Variants in TTI2 observed in about 807,000 individuals in gnomAD.
TTI2 encodes the protein TELO2-interacting protein 2.
Under a neutral mutation model 44.9 loss-of-function variants are expected in TTI2, and 26 were observed. The observed-to-expected ratio is 0.58, with a 90% CI of 0.42 to 0.80. The LOEUF (loss-of-function observed/expected upper bound fraction) is 0.80, where lower values mean the gene tolerates loss of function less well. TTI2 is among the 30% of genes least tolerant of loss of function. The pLI, the probability that TTI2 is intolerant of heterozygous loss-of-function variation, is 0.00. For synonymous variants in TTI2, 254 were observed against 250.9 expected, an observed-to-expected ratio of 1.01 and a Z score of -0.12; for missense variants, 582 against 611.6, an observed-to-expected ratio of 0.95 and a Z score of 0.51.
At chr8:33,508,447 T>TA (rs572572434) in intron 3 of TTI2, among the ~76,000 whole-genome samples, 2 of 150,784 alleles carry the variant, frequency 1.3e-5, no homozygotes, top group Non-Finnish European at 1.5e-5. Context: ...ACAAAAAATT[T>TA]AAAAAAAAGA....
intron 2 of TTI2, among the ~76,000 whole-genome samples, chr8:33,510,941 T>C (rs2732297): frequency 0.61 from 92,528 of 152,008 alleles, 28,443 homozygotes; most frequent in Non-Finnish European, 0.64. Context: ...TCTTAGCTGA[T>C]AGTCATCCTT....
intron 6 of TTI2, chr8:33,501,155 C>G (rs547884994): frequency 6.6e-6 from 1 of 151,986 alleles, no homozygotes; most frequent in South Asian, 2.1e-4. Context: ...ATTTTTACCA[C>G]AATAAACAAA....
chr8:33,506,201 T>C (rs1002183343), intron 4 of TTI2, among the ~76,000 whole-genome samples: 1 of 152,186 alleles, frequency 6.6e-6, no homozygotes, highest in African/African-American at 2.4e-5. Context: ...AAAGCTTATC[T>C]TAAAGCCAAA....
rs780001217 is a variant in TTI2 at position 33,503,722 on chromosome 8, TAATA to T, written c.1115+22_1115+25del. 3.2e-5 allele frequency: 51 copies of T among 1,611,540 alleles called. No homozygotes were observed. The African/African-American group carries it at 3.9e-4, about 12-fold the overall frequency. On this transcript the variant is annotated intron_variant, in intron 5 of 7. Transcript: ENST00000431156. ...GCAAGATCCTGTCTGTATAAAATAA[TAATA>T]AATAAAAGCCCAGGGCCTCACCTGT...
In TTI2 at chr8:33,512,626, C is replaced by A; in HGVS notation, c.-13G>T. 1.2e-6 allele frequency: 2 copies of A among 1,611,482 alleles called. No individual in the cohort carries two copies. The highest frequency in any genetic ancestry group is 1.7e-6 in the Non-Finnish European group (2 of 1,179,960). The stretch of plus-strand genomic sequence containing the variant: ...TGTCAAGCTCCATTCCTGACTGCAG[C>A]ACCAGAAGGCTGGTCTCTCCCACAG... On this transcript the variant is annotated 5_prime_UTR_variant, in exon 2 of 8. Coordinates refer to ENST00000431156, the MANE Select transcript of TTI2 (RefSeq NM_001102401.4).
In TTI2 at chr8:33,499,212, C is replaced by T. The variant is rs1808968501; in HGVS notation, c.1488G>A (p.Val496=). The T allele has an allele frequency of 6.2e-7, 1 of 1,613,958 alleles. No individual in the cohort carries two copies. The highest frequency in any genetic ancestry group is 1.3e-5 in the African/African-American group (1 of 74,918). Reference sequence around the variant, plus strand: ...AGGGTGCGCCTTCAGAAACCTGCTGCACTTTTCTGATATAGTTCACCACTT... The same window carrying T: ...AGGGTGCGCCTTCAGAAACCTGCTGTACTTTTCTGATATAGTTCACCACTT... ...DRKVVNYIRK[V]QQVSEGAPYN... Residue 496 remains valine (V), a synonymous_variant, in exon 8 of 8, where the codon GTG becomes GTA. Coordinates refer to ENST00000431156, the MANE Select transcript of TTI2 (RefSeq NM_001102401.4).
At chr8:33,508,875 C>G (rs954940127) in intron 3 of TTI2, among the ~76,000 whole-genome samples, 5 of 151,908 alleles carry the variant, frequency 3.3e-5, no homozygotes, top group African/African-American at 1.2e-4. Flanking sequence ...GGCGGGGTGG[C>G]TCATCTCTAT....
At chr8:33,508,854 A>G (rs1809402866) in intron 3 of TTI2, among the ~76,000 whole-genome samples, 1 of 151,858 alleles carries the variant, frequency 6.6e-6, no homozygotes, top group South Asian at 2.1e-4. Context: ...TTGAAACTCA[A>G]CTGTAGGCCG....
chr8:33,506,779 G>A (rs561052967), intron 4 of TTI2, among the ~76,000 whole-genome samples: 56 of 151,020 alleles, frequency 3.7e-4, no homozygotes, highest in South Asian at 1.9e-3. Flanking sequence ...TGCAACCTCC[G>A]CCACCCGGGT....
At chr8:33,499,330 C>T (rs1202423613) in intron 7 of TTI2, 53 bp from the exon 8 acceptor site, 1 of 1,285,600 alleles carries the variant, frequency 7.8e-7, no homozygotes, top group Admixed American at 1.8e-5. Flanking sequence ...TAATTACTTT[C>T]CCCTTTTGCT....
chr8:33,498,933 T>A lies in TTI2; in HGVS notation c.*240A>T. 1 of 580,428 alleles carries A rather than the reference T, an allele frequency of 1.7e-6. No homozygotes were observed. Among genetic ancestry groups the A allele is most frequent in the South Asian group, 2.2e-5 (1 of 46,288 alleles). 36.0% of individuals were successfully genotyped at this position (580,428 alleles called of 1,614,324 possible). Reference sequence around the variant, plus strand: ...GACGGATGTAAATATTTCTAAATTTTAAATGCTACATTACTTGGTGTCCTT... The same window carrying A: ...GACGGATGTAAATATTTCTAAATTTAAAATGCTACATTACTTGGTGTCCTT... On this transcript the variant is annotated 3_prime_UTR_variant, in exon 8 of 8. Coordinates refer to ENST00000431156, the MANE Select transcript of TTI2 (RefSeq NM_001102401.4).
At chr8:33,504,608 T>C (rs1809232137) in intron 4 of TTI2, among the ~76,000 whole-genome samples, 1 of 152,002 alleles carries the variant, frequency 6.6e-6, no homozygotes, top group South Asian at 2.1e-4. Flanking sequence ...GGAAGAAGAA[T>C]TGTCTTGGGC....
Position 33,500,402 on chromosome 8 carries a change from C to T in TTI2, c.1348G>A (p.Val450Ile), listed in dbSNP as rs1430947431. Residue 450 changes from valine (V) to isoleucine (I), a missense_variant, in exon 7 of 8, where the codon GTT (valine) becomes ATT (isoleucine). Physicochemically the swap from Val to Ile is conservative, Grantham distance 29. Coordinates refer to ENST00000431156, the MANE Select transcript of TTI2 (RefSeq NM_001102401.4). Reference sequence around the variant, plus strand: ...GCCTCCTGTAGCAGGGCGCTCTTAACAGACTCAGGTGTAAGGTTTGGATCC... The same window carrying T: ...GCCTCCTGTAGCAGGGCGCTCTTAATAGACTCAGGTGTAAGGTTTGGATCC... ...ARDPNLTPESVKSALLQEATD... is the reference protein window; with the variant it reads ...ARDPNLTPESIKSALLQEATD... 3 of 1,614,156 alleles carry T rather than the reference C, an allele frequency of 1.9e-6. No homozygotes were observed. Among genetic ancestry groups the T allele is most frequent in the Admixed American group, 1.7e-5 (1 of 60,010 alleles).
At chr8:33,500,270 A>T (rs908208907) in intron 7 of TTI2, 58 bp downstream of exon 7, 2 of 1,600,286 alleles carry the variant, frequency 1.2e-6, no homozygotes, top group African/African-American at 2.7e-5. Flanking sequence ...ATAATCAATC[A>T]TGGGAATTAC....
chr8:33,501,509 C>T (rs967831746), intron 6 of TTI2, among the ~76,000 whole-genome samples: 1 of 152,150 alleles, frequency 6.6e-6, no homozygotes, highest in Admixed American at 6.6e-5. Flanking sequence ...TTTTATTCAT[C>T]CATTGATTCA....
At chr8:33,511,136 G>T (rs957393841) in intron 2 of TTI2, among the ~76,000 whole-genome samples, 2 of 151,968 alleles carry the variant, frequency 1.3e-5, no homozygotes, top group African/African-American at 2.4e-5. Context: ...TCTGCCTCCT[G>T]GTTTCAAGCG....
At chr8:33,499,523 A>G (rs1457488782) in intron 7 of TTI2, 2 of 404,640 alleles carry the variant, frequency 4.9e-6, no homozygotes, top group East Asian at 4.8e-5. Context: ...CTGCTGGCTC[A>G]TGAAACAGCA....
Sources: gnomAD v4.1 joint callset for allele counts (sites outside exome capture counted in the v4.1 genomes callset) on GRCh38, gnomAD v4.1.1 for gene constraint, MANE v1.5 for transcripts, NCBI Gene and HGNC (gene_info 2026-07-23, HGNC 2026-07-21) for gene names.